DTNA: variants seen among roughly 807,000 people sequenced by gnomAD.
The protein encoded by DTNA is dystrobrevin alpha.
A neutral mutation model predicts 100.7 loss-of-function variants in DTNA; 43 were observed. The observed-to-expected ratio is 0.43, with a 90% CI of 0.33 to 0.55. The LOEUF (loss-of-function observed/expected upper bound fraction) is 0.55, where lower values mean the gene tolerates loss of function less well. DTNA is among the 20% of genes least tolerant of loss of function. The pLI is 0.04. For missense variants in DTNA, 798 were observed against 953.9 expected (o/e 0.84, Z 2.15); for synonymous variants, 349 against 347.9 (o/e 1.00, Z -0.04).
At chr18:34,656,898 A>G (rs1219943632) in intron 1 of DTNA, among the ~76,000 whole-genome samples, 1 of 151,868 alleles carries the variant, frequency 6.6e-6, no homozygotes, top group Admixed American at 6.6e-5. Flanking sequence ...TTTTTTTGAG[A>G]CAGCATCTTG....
intron 5 of DTNA, among the ~76,000 whole-genome samples, chr18:34,809,180 C>T (rs1050349002): frequency 6.6e-5 from 10 of 152,158 alleles, no homozygotes; most frequent in African/African-American, 1.7e-4. Context: ...ATGGAATGAG[C>T]GAATGTGGGC....
intron 1 of DTNA, among the ~76,000 whole-genome samples, chr18:34,628,566 A>G (rs1453735120): frequency 6.6e-6 from 1 of 152,206 alleles, no homozygotes; most frequent in Non-Finnish European, 1.5e-5. Flanking sequence ...ATCTTGCTTG[A>G]TGCCTTTTCA....
chr18:34,674,236 C>T (rs1260780592), intron 1 of DTNA, among the ~76,000 whole-genome samples: 1 of 152,206 alleles, frequency 6.6e-6, no homozygotes, highest in Non-Finnish European at 1.5e-5. Context: ...TGCCCTTCCG[C>T]AAAGGTGCCA....
chr18:34,882,204 A>G lies in DTNA; in HGVS notation c.2295+3A>G, dbSNP rs1244607747. The G allele has an allele frequency of 6.2e-6, 10 of 1,613,794 alleles. No individual in the cohort carries two copies. Among genetic ancestry groups the G allele is most frequent in the East Asian group, 2.2e-5 (1 of 44,854 alleles). On this transcript the variant is annotated splice_donor_region_variant and intron_variant, in intron 21 of 22. Coordinates refer to ENST00000444659, the MANE Select transcript of DTNA (RefSeq NM_001386795.1). ...AGCTGCAAGATGAAGCTTATCAGGT[A>G]CAGGGATCCAGGCCCACCCCACCCC...
chr18:34,733,591 A>G (rs1601053285), intron 1 of DTNA, among the ~76,000 whole-genome samples: 2 of 152,184 alleles, frequency 1.3e-5, no homozygotes, highest in South Asian at 2.1e-4. Flanking sequence ...TGCGGTTACC[A>G]CCATTAGATC....
At chr18:34,624,479 T>G (rs894822313) in intron 1 of DTNA, among the ~76,000 whole-genome samples, 1 of 152,194 alleles carries the variant, frequency 6.6e-6, no homozygotes. Flanking sequence ...TTTAACATTA[T>G]TTTTGAGTAA....
chr18:34,557,962 C>G (rs2046261345), intron 1 of DTNA: 1 of 153,250 alleles, frequency 6.5e-6, no homozygotes, highest in Non-Finnish European at 1.5e-5. Flanking sequence ...GCGCCCCTCC[C>G]CCAGCCTCGC....
At chr18:34,569,229 C>G (rs1047942502) in intron 1 of DTNA, among the ~76,000 whole-genome samples, 1 of 151,892 alleles carries the variant, frequency 6.6e-6, no homozygotes, top group Non-Finnish European at 1.5e-5. Flanking sequence ...TTGAGTGAAT[C>G]GTAAGGGAAA....
chr18:34,528,063 T>G (rs1207051117), intron 1 of DTNA, among the ~76,000 whole-genome samples: 1 of 152,114 alleles, frequency 6.6e-6, no homozygotes, highest in African/African-American at 2.4e-5. Flanking sequence ...TATTTTTATA[T>G]CTTATTTTAA....
At chr18:34,872,691 A>G (rs1400431807) in intron 17 of DTNA, among the ~76,000 whole-genome samples, 2 of 152,182 alleles carry the variant, frequency 1.3e-5, no homozygotes, top group African/African-American at 2.4e-5. Context: ...CATCTTTTCC[A>G]TGATCCAGCA....
intron 1 of DTNA, among the ~76,000 whole-genome samples, chr18:34,678,797 A>G (rs1424620224): frequency 2.0e-5 from 3 of 152,192 alleles, no homozygotes; most frequent in Non-Finnish European, 4.4e-5. Context: ...AAATTTTCTC[A>G]GAAGGCAAAA....
rs1367030653 is a variant in DTNA, at chr18:34,879,579, G to A, written c.2022G>A (p.Val674=). Residue 674 remains valine, a synonymous_variant, in exon 20 of 23, where the codon GTG becomes GTA. Transcript: ENST00000444659. ...SEVGSETESN[V]DSEFARTQFE... ...TTGGGAGTGAAACAGAGAGTAATGT[G>A]GATTCTGAATTTGCACGGACTCAGT... is the stretch of plus-strand genomic sequence containing the variant. 6.2e-7 allele frequency: 1 copy of A among 1,614,016 alleles called. No homozygotes were observed. Among genetic ancestry groups the A allele is most frequent in the Non-Finnish European group, 8.5e-7 (1 of 1,179,970 alleles).
intron 1 of DTNA, among the ~76,000 whole-genome samples, chr18:34,630,970 G>T (rs1463135241): frequency 6.6e-6 from 1 of 152,098 alleles, no homozygotes; most frequent in Non-Finnish European, 1.5e-5. Context: ...AAGGATAAAT[G>T]ACTGAAGGAC....
intron 13 of DTNA, among the ~76,000 whole-genome samples, chr18:34,839,222 A>T (rs11662593): frequency 0.1 from 15,663 of 152,204 alleles, 1,034 homozygotes; most frequent in South Asian, 0.16. Flanking sequence ...TGATTTGGAA[A>T]ACAATGCTTC....
intron 1 of DTNA, among the ~76,000 whole-genome samples, chr18:34,721,270 A>G (rs1179561712): frequency 6.6e-6 from 1 of 152,224 alleles, no homozygotes. Context: ...GGCTATTACA[A>G]ATAAAGAACT....
At chr18:34,826,703 C>T (rs1468589000) in intron 9 of DTNA, among the ~76,000 whole-genome samples, 2 of 152,156 alleles carry the variant, frequency 1.3e-5, no homozygotes, top group Non-Finnish European at 2.9e-5. Context: ...TGCTCCACCT[C>T]ATTTTCCATC....
chr18:34,556,775 C>A (rs1181140879), intron 1 of DTNA, among the ~76,000 whole-genome samples: 1 of 151,970 alleles, frequency 6.6e-6, no homozygotes, highest in East Asian at 1.9e-4. Flanking sequence ...TGAGGGTAAC[C>A]CAACCTTTCT....
chr18:34,743,248 T>C (rs1479454804), intron 1 of DTNA, among the ~76,000 whole-genome samples: 3 of 152,184 alleles, frequency 2.0e-5, no homozygotes, highest in East Asian at 1.9e-4. Context: ...TGTTTACTGC[T>C]GGAGATCTTG....
rs372945869 is a variant in DTNA, at chr18:34,811,847, C to T, written c.449-112C>T. On this transcript the variant is annotated intron_variant, in intron 5 of 22. Transcript: ENST00000444659. ...AAAATTAGCTTTTATATTATTCTTT[C>T]ATAAAAAATGTTTATTTTGCTACTT... 6 of 1,240,776 alleles carry T rather than the reference C, an allele frequency of 4.8e-6. No individual in the cohort carries two copies. In the African/African-American group the frequency reaches 7.5e-5, roughly 16 times the overall value. 76.9% of individuals were successfully genotyped at this position (1,240,776 alleles called of 1,614,324 possible).
Sources: allele counts gnomAD v4.1 joint callset (sites outside exome capture counted in the v4.1 genomes callset), GRCh38; gene constraint gnomAD v4.1.1; transcripts MANE v1.5; gene names NCBI Gene and HGNC (gene_info 2026-07-23, HGNC 2026-07-21).